Variants in DLG2 observed in about 807,000 individuals in gnomAD.
DLG2 encodes discs large MAGUK scaffold protein 2.
In DLG2, 45 loss-of-function variants were observed where a neutral mutation model predicts 132.5. The ratio of observed to expected loss-of-function variants is 0.34; its 90% CI spans 0.27 to 0.44. The LOEUF (loss-of-function observed/expected upper bound fraction) is 0.44, where lower values mean the gene tolerates loss of function less well. Among genes scored for constraint, DLG2 ranks in the 20% least tolerant of loss-of-function variants. DLG2 has a pLI of 1.00. For synonymous variants in DLG2, 424 were observed against 419.6 expected (o/e 1.01, Z -0.13); for missense variants, 1,045 against 1,196.9 (o/e 0.87, Z 1.87).
chr11:84,982,143 C>T (rs1011043561), intron 6 of DLG2, among the ~76,000 whole-genome samples: 5 of 152,088 alleles, frequency 3.3e-5, no homozygotes, highest in African/African-American at 1.2e-4. Flanking sequence ...TTTAGTCCAC[C>T]AAGCTCTTCT....
chr11:84,194,527 C>T (rs1376622578), intron 8 of DLG2, among the ~76,000 whole-genome samples: 1 of 152,172 alleles, frequency 6.6e-6, no homozygotes, highest in Non-Finnish European at 1.5e-5. Flanking sequence ...GGGCAGTCTG[C>T]TTTTATTCCC....
In DLG2 at chr11:85,618,433, T is replaced by C. The variant is rs551896206; in HGVS notation, c.-93+8154A>G. Among the ~76,000 whole-genome samples, 5 of 152,356 alleles carry C rather than the reference T, an allele frequency of 3.3e-5. No homozygotes were observed. In the East Asian group the frequency reaches 9.6e-4, roughly 29 times the overall value. ...TACAGAACAGTGAGAAATTTACTTA[T>C]TGACAAAGGCATGAATGAACAGAAT... On this transcript the variant is annotated intron_variant, in intron 2 of 27. Transcript: ENST00000376104.
intron 18 of DLG2, among the ~76,000 whole-genome samples, chr11:83,753,826 T>TATATC (rs1566831225): frequency 7.0e-5 from 6 of 86,280 alleles, no homozygotes; most frequent in African/African-American, 3.9e-4. Flanking sequence ...ATATATTTCA[T>TATATC]ATATATATGA....
At chr11:85,052,309 C>T (rs555812914) in intron 6 of DLG2, among the ~76,000 whole-genome samples, 29 of 152,252 alleles carry the variant, frequency 1.9e-4, no homozygotes, top group African/African-American at 6.7e-4. Context: ...TCTGTAATAT[C>T]AAACTGAATT....
intron 8 of DLG2, among the ~76,000 whole-genome samples, chr11:84,217,027 T>C (rs940758868): frequency 6.6e-6 from 1 of 152,160 alleles, no homozygotes; most frequent in Non-Finnish European, 1.5e-5. Context: ...AACCACTAAT[T>C]GTCATTAGTT....
intron 11 of DLG2, among the ~76,000 whole-genome samples, chr11:84,004,243 A>T (rs1446527651): frequency 2.6e-5 from 4 of 152,076 alleles, no homozygotes; most frequent in Non-Finnish European, 5.9e-5. Context: ...ATACCATTAC[A>T]AAATGGGATT....
At chr11:84,413,821 T>C (rs2098918758) in intron 7 of DLG2, among the ~76,000 whole-genome samples, 1 of 152,312 alleles carries the variant, frequency 6.6e-6, no homozygotes, top group Admixed American at 6.5e-5. Context: ...ACAGATATGG[T>C]AATGCAGATT....
At chr11:83,833,371 GA>G (rs2055142701) in intron 17 of DLG2, among the ~76,000 whole-genome samples, 1 of 152,192 alleles carries the variant, frequency 6.6e-6, no homozygotes. Flanking sequence ...CCGGGAGGCA[GA>G]GGTTGCAGTG....
intron 17 of DLG2, chr11:83,790,584 G>T: frequency 2.3e-6 from 3 of 1,314,286 alleles, no homozygotes; most frequent in Non-Finnish European, 2.2e-6. Flanking sequence ...GTGGGCTTCT[G>T]TGCCAGTAAG....
At chr11:84,516,908 G>A (rs572694244) in intron 7 of DLG2, among the ~76,000 whole-genome samples, 2 of 150,054 alleles carry the variant, frequency 1.3e-5, no homozygotes, top group Admixed American at 6.6e-5. Context: ...ACTTATTACT[G>A]TGATCATGAC....
intron 6 of DLG2, among the ~76,000 whole-genome samples, chr11:84,693,552 A>T (rs947896171): frequency 3.3e-5 from 5 of 151,714 alleles, no homozygotes; most frequent in Non-Finnish European, 7.4e-5. Context: ...TCCACGTTCC[A>T]CATGCCGCAG....
At chr11:83,996,751 T>C (rs958585678) in intron 11 of DLG2, among the ~76,000 whole-genome samples, 1 of 152,218 alleles carries the variant, frequency 6.6e-6, no homozygotes, top group Admixed American at 6.5e-5. Context: ...CACTTAGTTG[T>C]AGGACCTAAA....
intron 19 of DLG2, among the ~76,000 whole-genome samples, chr11:83,614,546 C>T (rs2060530546): frequency 6.6e-6 from 1 of 151,972 alleles, no homozygotes; most frequent in Middle Eastern, 3.2e-3. Flanking sequence ...TGGCCAAACT[C>T]CATCCCTACA....
At chr11:84,967,527 A>T (rs1258535242) in intron 6 of DLG2, among the ~76,000 whole-genome samples, 2 of 152,112 alleles carry the variant, frequency 1.3e-5, no homozygotes, top group Middle Eastern at 3.2e-3. Flanking sequence ...AAATGTGTTG[A>T]TGTATTGTGA....
At chr11:84,441,219 T>C (rs977776466) in intron 7 of DLG2, among the ~76,000 whole-genome samples, 2 of 151,980 alleles carry the variant, frequency 1.3e-5, no homozygotes, top group Non-Finnish European at 2.9e-5. Context: ...CGATCATAGC[T>C]CACTGCAGCC....
At chr11:85,026,120 T>TTTACATA (rs1237938336) in intron 6 of DLG2, among the ~76,000 whole-genome samples, 1 of 152,048 alleles carries the variant, frequency 6.6e-6, no homozygotes, top group Non-Finnish European at 1.5e-5. Flanking sequence ...AATTTACATA[T>TTTACATA]TTGAACATAA....
intron 2 of DLG2, among the ~76,000 whole-genome samples, chr11:85,610,226 A>C (rs951218210): frequency 2.0e-5 from 3 of 152,226 alleles, no homozygotes; most frequent in Non-Finnish European, 2.9e-5. Context: ...TAAAAGCTCA[A>C]GGCTTAGTAA....
At chr11:84,987,238 A>G (rs568696382) in intron 6 of DLG2, among the ~76,000 whole-genome samples, 1 of 152,158 alleles carries the variant, frequency 6.6e-6, no homozygotes, top group Non-Finnish European at 1.5e-5. Flanking sequence ...ATAAACTACA[A>G]AACACTGCTG....
At chr11:85,012,095 G>A (rs942143290) in intron 6 of DLG2, among the ~76,000 whole-genome samples, 3 of 150,396 alleles carry the variant, frequency 2.0e-5, no homozygotes, top group Non-Finnish European at 3.0e-5. Flanking sequence ...GGCGAGGCAG[G>A]CGGATCACCT....
Sources: gnomAD v4.1 joint callset for allele counts (sites outside exome capture counted in the v4.1 genomes callset) on GRCh38, gnomAD v4.1.1 for gene constraint, MANE v1.5 for transcripts, NCBI Gene and HGNC (gene_info 2026-07-23, HGNC 2026-07-21) for gene names.